RERE: variants seen among roughly 807,000 people sequenced by gnomAD.
RERE encodes the protein arginine-glutamic acid dipeptide repeats.
A neutral mutation model predicts 146.1 loss-of-function variants in RERE; 40 were observed. That is an observed-to-expected ratio of 0.27 (90% CI 0.21 to 0.36). RERE has a LOEUF of 0.36. Among genes scored for constraint, RERE ranks in the 10% least tolerant of loss-of-function variants. The probability of loss-of-function intolerance (pLI) is 1.00; values close to 1 mark genes in which losing one functional copy is unlikely to be tolerated. For missense variants in RERE, 1,933 were observed against 2,138.7 expected (o/e 0.90, Z 1.90); for synonymous variants, 1,003 against 866.0 (o/e 1.16, Z -2.78).
intron 1 of RERE, among the ~76,000 whole-genome samples, chr1:8,816,785 C>T (rs1641920935): frequency 6.6e-6 from 1 of 152,124 alleles, no homozygotes; most frequent in South Asian, 2.1e-4. Context: ...AAAGTCCTCC[C>T]CCCAGCACCC....
At chr1:8,606,109 C>T (rs1557430365) in intron 4 of RERE, among the ~76,000 whole-genome samples, 1 of 152,110 alleles carries the variant, frequency 6.6e-6, no homozygotes, top group Non-Finnish European at 1.5e-5. Context: ...GGTTACCACA[C>T]CCAGCCAATA....
At chr1:8,439,110 G>A (rs1644211095) in intron 11 of RERE, among the ~76,000 whole-genome samples, 1 of 152,166 alleles carries the variant, frequency 6.6e-6, no homozygotes, top group African/African-American at 2.4e-5. Flanking sequence ...CCACACAAGG[G>A]GGAAGTCTGA....
At chr1:8,397,925 T>C (rs773728788) in intron 12 of RERE, among the ~76,000 whole-genome samples, 2 of 152,244 alleles carry the variant, frequency 1.3e-5, no homozygotes, top group Non-Finnish European at 2.9e-5. Flanking sequence ...AGCATCTAGG[T>C]GCAAGGCACC....
chr1:8,572,412 A>G (rs555871985), intron 4 of RERE, among the ~76,000 whole-genome samples: 16 of 152,320 alleles, frequency 1.1e-4, no homozygotes, highest in African/African-American at 3.8e-4. Context: ...TGACTCTTCT[A>G]TCTATTGCTA....
intron 1 of RERE, among the ~76,000 whole-genome samples, chr1:8,728,428 C>T (rs907794120): frequency 6.7e-6 from 1 of 149,688 alleles, no homozygotes; most frequent in Non-Finnish European, 1.5e-5. Context: ...GGGTTATTTT[C>T]TTGTTTGTTT....
chr1:8,762,974 A>G (rs985309394), intron 1 of RERE, among the ~76,000 whole-genome samples: 1 of 152,222 alleles, frequency 6.6e-6, no homozygotes, highest in Non-Finnish European at 1.5e-5. Flanking sequence ...CAGTCCCTCA[A>G]TCAGCAAAAA....
chr1:8,428,937 C>T (rs897051463), intron 11 of RERE, among the ~76,000 whole-genome samples: 1 of 152,188 alleles, frequency 6.6e-6, no homozygotes, highest in Non-Finnish European at 1.5e-5. Context: ...TGCCTAGATA[C>T]TGGTCCTCAC....
chr1:8,495,661 C>T (rs1328841910), intron 9 of RERE, among the ~76,000 whole-genome samples: 1 of 152,108 alleles, frequency 6.6e-6, no homozygotes, highest in African/African-American at 2.4e-5. Context: ...ACATATGTTA[C>T]TTTTAGTCAG....
chr1:8,545,744 C>T (rs927722833), intron 6 of RERE, among the ~76,000 whole-genome samples: 6 of 146,022 alleles, frequency 4.1e-5, no homozygotes, highest in Admixed American at 2.1e-4. Flanking sequence ...AGTGCAATGG[C>T]GTGATCTCGA....
chr1:8,815,983 A>T (rs1006523786), intron 1 of RERE, among the ~76,000 whole-genome samples: 7 of 152,170 alleles, frequency 4.6e-5, no homozygotes, highest in Admixed American at 3.3e-4. Flanking sequence ...GATAATTTAC[A>T]GTAGTATTAA....
intron 10 of RERE, among the ~76,000 whole-genome samples, chr1:8,487,565 C>G (rs1039702593): frequency 2.0e-5 from 3 of 152,046 alleles, no homozygotes; most frequent in Non-Finnish European, 2.9e-5. Context: ...GCAATAGACC[C>G]TTTCTCAAAA....
At chr1:8,517,122 G>C (rs1645430719) in intron 7 of RERE, among the ~76,000 whole-genome samples, 1 of 152,152 alleles carries the variant, frequency 6.6e-6, no homozygotes, top group African/African-American at 2.4e-5. Context: ...TCGTATTACA[G>C]TTACAAAAGA....
intron 1 of RERE, among the ~76,000 whole-genome samples, chr1:8,797,314 G>A (rs1641495596): frequency 6.6e-6 from 1 of 151,926 alleles, no homozygotes; most frequent in Non-Finnish European, 1.5e-5. Context: ...GGAGGCGGAG[G>A]CTGCAGTGAG....
intron 1 of RERE, among the ~76,000 whole-genome samples, chr1:8,754,677 T>C (rs1355741618): frequency 2.0e-5 from 3 of 152,218 alleles, no homozygotes; most frequent in East Asian, 1.9e-4. Context: ...GCTGATGAAG[T>C]AGAAGTCAAG....
At chr1:8,484,889 A>G (rs955169532) in intron 10 of RERE, among the ~76,000 whole-genome samples, 4 of 152,244 alleles carry the variant, frequency 2.6e-5, no homozygotes, top group African/African-American at 7.2e-5. Flanking sequence ...ACAGCGGTAC[A>G]AAGCTGTTTC....
intron 4 of RERE, among the ~76,000 whole-genome samples, chr1:8,610,319 A>G (rs1004242247): frequency 5.3e-5 from 8 of 152,056 alleles, no homozygotes; most frequent in Non-Finnish European, 8.8e-5. Context: ...GGCCGGGCAC[A>G]GTGGCTCACG....
At chr1:8,694,977 G>C (rs537205727) in intron 1 of RERE, among the ~76,000 whole-genome samples, 4 of 127,632 alleles carry the variant, frequency 3.1e-5, no homozygotes, top group Admixed American at 8.5e-5. Flanking sequence ...ATCCTAAGGG[G>C]GGGGGGGGAA....
intron 1 of RERE, among the ~76,000 whole-genome samples, chr1:8,697,383 C>T (rs943496465): frequency 8.3e-6 from 1 of 121,030 alleles, no homozygotes; most frequent in Admixed American, 9.1e-5. Context: ...CCAACCACAC[C>T]CCCCCCACAC....
chr1:8,526,097 G>A (rs1412052768), intron 7 of RERE: 1 of 1,106,166 alleles, frequency 9.0e-7, no homozygotes, highest in East Asian at 5.2e-5. Context: ...GCTTCTCCCT[G>A]CACACCAAGC....
Sources: gnomAD v4.1 joint callset for allele counts (sites outside exome capture counted in the v4.1 genomes callset) on GRCh38, gnomAD v4.1.1 for gene constraint, MANE v1.5 for transcripts, NCBI Gene and HGNC (gene_info 2026-07-23, HGNC 2026-07-21) for gene names.